The following PRKCA variants were observed in gnomAD, a reference collection of about 807,000 sequenced individuals.
PRKCA encodes the protein protein kinase C alpha.
Under a neutral mutation model 87.0 loss-of-function variants are expected in PRKCA, and 27 were observed. The ratio of observed to expected loss-of-function variants is 0.31; its 90% confidence interval spans 0.23 to 0.43. PRKCA has a LOEUF of 0.43. Ranked by LOEUF, PRKCA falls within the 20% of genes least tolerant of loss-of-function variation. The pLI is 1.00. For missense variants in PRKCA, 518 were observed against 852.3 expected, an observed-to-expected ratio of 0.61 and a Z score of 4.88; for synonymous variants, 329 against 311.1, an observed-to-expected ratio of 1.06 and a Z score of -0.61.
intron 10 of PRKCA, 39 bp from the exon 11 acceptor site, chr17:66,738,725 G>T (rs1974093982): frequency 6.4e-7 from 1 of 1,554,334 alleles, no homozygotes; most frequent in African/African-American, 1.4e-5. Flanking sequence ...CACTTGGCTG[G>T]GGAGGAGCCC....
rs752497956 is a variant in PRKCA, at chr17:66,803,970, C to T, written c.1952C>T (p.Ser651Phe). Residue 651 changes from serine (S) to phenylalanine (F), a missense_variant, in exon 17 of 17, where the codon TCT (serine) becomes TTT (phenylalanine). Around this residue, in one of 5 missense-constraint regions of PRKCA, gnomAD observed 159 missense variants for 232.4 expected, o/e 0.68. Transcript: ENST00000413366. The surrounding 1 kb of genome is among the most constrained non-coding windows in gnomAD (Gnocchi z 4.4). ...CTGGTTATTGCTAACATAGACCAGT[C>T]TGATTTTGAAGGGTTCTCGTATGTC... Reference protein sequence around the residue: ...DQLVIANIDQSDFEGFSYVNP... With the variant: ...DQLVIANIDQFDFEGFSYVNP... 6.2e-7 allele frequency: 1 copy of T among 1,614,076 alleles called. No homozygotes were observed. Among genetic ancestry groups the T allele is most frequent in the South Asian group, 1.1e-5 (1 of 91,082 alleles).
chr17:66,618,301 G>T (rs1970569664), intron 3 of PRKCA, among the ~76,000 whole-genome samples: 1 of 150,414 alleles, frequency 6.6e-6, no homozygotes, highest in Non-Finnish European at 1.5e-5. Flanking sequence ...GTTGCAGTGA[G>T]CTGAGATCGT....
intron 13 of PRKCA, among the ~76,000 whole-genome samples, chr17:66,772,496 A>AT (rs1388483554): frequency 2.8e-5 from 4 of 143,770 alleles, no homozygotes; most frequent in African/African-American, 1.0e-4. Flanking sequence ...ATTCTGGGCC[A>AT]TTAAAAAAAA....
rs763265613 is a variant in PRKCA, at chr17:66,306,117, C to T, written c.195C>T (p.Phe65=). The change falls in exon 2 of 17, where the codon TTC becomes TTT. Residue 65 remains phenylalanine, a synonymous_variant. Transcript: ENST00000413366. The stretch of plus-strand genomic sequence containing the variant: ...TCAGGGGGTTTGGGAAACAAGGCTT[C>T]CAGTGCCAAGGTAAGCTACCACTTT... ...DFIWGFGKQG[F]QCQVCCFVVH... is the part of the protein sequence containing the mutation. 7.4e-6 allele frequency: 12 copies of T among 1,612,166 alleles called. No individual in the cohort carries two copies. In the South Asian group the frequency reaches 1.3e-4, roughly 18 times the overall value.
chr17:66,567,118 A>G (rs1968928078), intron 3 of PRKCA, among the ~76,000 whole-genome samples: 1 of 152,240 alleles, frequency 6.6e-6, no homozygotes, highest in South Asian at 2.1e-4. Flanking sequence ...TACCGTAAGG[A>G]AAATCAAGGG....
At chr17:66,436,829 G>A (rs1452216500) in intron 2 of PRKCA, among the ~76,000 whole-genome samples, 1 of 152,172 alleles carries the variant, frequency 6.6e-6, no homozygotes, top group Non-Finnish European at 1.5e-5. Flanking sequence ...GTTGTCATGG[G>A]AACCGAGGAA....
At chr17:66,754,512 C>T (rs751728079) in intron 13 of PRKCA, among the ~76,000 whole-genome samples, 9 of 152,280 alleles carry the variant, frequency 5.9e-5, no homozygotes, top group Middle Eastern at 3.4e-3. Flanking sequence ...CGACCTAGCA[C>T]GGTGCTGGCT....
chr17:66,495,727 A>ATG (rs1054149602), intron 2 of PRKCA, among the ~76,000 whole-genome samples: 35 of 150,466 alleles, frequency 2.3e-4, no homozygotes, highest in East Asian at 9.8e-4. Flanking sequence ...TAATTTGTGT[A>ATG]TGTGTGTGTG....
chr17:66,374,188 T>C (rs1909278636), intron 2 of PRKCA, among the ~76,000 whole-genome samples: 1 of 152,056 alleles, frequency 6.6e-6, no homozygotes, highest in Non-Finnish European at 1.5e-5. Flanking sequence ...CCTGGAGCTT[T>C]CCCATGAATC....
rs559024442 is a variant in PRKCA, at chr17:66,540,837, G to A, written c.288+44554G>A. On this transcript the variant is annotated intron_variant, in intron 3 of 16. Transcript: ENST00000413366. ...ATTATTAGTATCATGGTTTGACCTCGAGATCTGGCACTTCCTGGACCTATT... is the reference window on the plus strand; with the variant it reads ...ATTATTAGTATCATGGTTTGACCTCAAGATCTGGCACTTCCTGGACCTATT... Among the ~76,000 whole-genome samples, 9 of 152,248 alleles carry A rather than the reference G, an allele frequency of 5.9e-5. No homozygotes were observed. In the South Asian group the frequency reaches 1.5e-3, roughly 25 times the overall value.
chr17:66,720,917 A>G (rs532148049), intron 8 of PRKCA, among the ~76,000 whole-genome samples: 2 of 152,334 alleles, frequency 1.3e-5, no homozygotes, highest in East Asian at 3.9e-4. Context: ...CTAAGAGATC[A>G]TGTATTTTTG....
At chr17:66,697,228 A>C (rs1182851520) in intron 8 of PRKCA, among the ~76,000 whole-genome samples, 2 of 152,244 alleles carry the variant, frequency 1.3e-5, no homozygotes, top group Non-Finnish European at 2.9e-5. Context: ...ATTTTGCCTT[A>C]TCTTGAAAAT....
intron 2 of PRKCA, among the ~76,000 whole-genome samples, chr17:66,464,286 G>A (rs1028747957): frequency 6.6e-6 from 1 of 152,166 alleles, no homozygotes; most frequent in Non-Finnish European, 1.5e-5. Flanking sequence ...ACTGAAGGGC[G>A]TCTGGGTTGC....
rs1479766641 is a variant in PRKCA at position 66,425,026 on chromosome 17, T to C, written c.206-71175T>C. ...ATCCACCCTCCTTGGCCTCCCAATG[T>C]GTTGGGATTACAGGCATGATCCACC... On this transcript the variant is annotated intron_variant, in intron 2 of 16. Transcript: ENST00000413366. Among the ~76,000 whole-genome samples, 3 of 152,108 alleles carry C rather than the reference T, an allele frequency of 2.0e-5. No individual in the cohort carries two copies. The East Asian group carries it at 5.8e-4, about 29-fold the overall frequency.
intron 2 of PRKCA, among the ~76,000 whole-genome samples, chr17:66,431,227 G>A (rs976130038): frequency 6.6e-6 from 1 of 152,100 alleles, no homozygotes; most frequent in Non-Finnish European, 1.5e-5. Context: ...TATTGTTTTT[G>A]ATACTTTTAG....
intron 3 of PRKCA, among the ~76,000 whole-genome samples, chr17:66,531,987 G>C (rs7225362): frequency 0.6 from 91,517 of 152,046 alleles, 28,787 homozygotes; most frequent in African/African-American, 0.79. Context: ...CCGAGCCTCT[G>C]CCAGCCCTCT....
intron 3 of PRKCA, among the ~76,000 whole-genome samples, chr17:66,587,941 A>G (rs116765651): frequency 0.016 from 2,087 of 128,498 alleles, 135 homozygotes; most frequent in African/African-American, 0.058. Flanking sequence ...ATCCTGCAGT[A>G]GCTCTTCTTG....
chr17:66,481,625 C>T (rs1332857384), intron 2 of PRKCA, among the ~76,000 whole-genome samples: 1 of 152,172 alleles, frequency 6.6e-6, no homozygotes. Context: ...AATTCTGGTT[C>T]TCCCCACACC....
At chr17:66,544,718 A>C (rs1968093910) in intron 3 of PRKCA, among the ~76,000 whole-genome samples, 1 of 152,060 alleles carries the variant, frequency 6.6e-6, no homozygotes, top group Non-Finnish European at 1.5e-5. Context: ...TCACCCTCCC[A>C]AGTAGCTGGG....
Sources: gnomAD v4.1 joint callset for allele counts (sites outside exome capture counted in the v4.1 genomes callset) on GRCh38, gnomAD v4.1.1 for gene constraint, gnomAD v4.1.1 regional missense constraint, Gnocchi (gnomAD v3.1) non-coding constraint, MANE v1.5 for transcripts, NCBI Gene and HGNC (gene_info 2026-07-23, HGNC 2026-07-21) for gene names.